TRAPPC12: variants seen among roughly 807,000 people sequenced by gnomAD.
The protein encoded by TRAPPC12 is TPR repeat protein 15.
In TRAPPC12, 61 loss-of-function variants were observed where a neutral mutation model predicts 69.2. The ratio of observed to expected loss-of-function variants is 0.88; its 90% CI spans 0.72 to 1.09. The LOEUF (loss-of-function observed/expected upper bound fraction) is 1.09. Among genes scored for constraint, TRAPPC12 ranks in the 50% least tolerant of loss-of-function variants. The pLI is 0.00. For missense variants in TRAPPC12, 1,101 were observed against 1,016.4 expected (o/e 1.08, Z -1.13); for synonymous variants, 469 against 438.9 (o/e 1.07, Z -0.86).
intron 3 of TRAPPC12, among the ~76,000 whole-genome samples, chr2:3,408,696 TC>T (rs1271138814): frequency 6.6e-6 from 1 of 152,092 alleles, no homozygotes; most frequent in East Asian, 1.9e-4. Flanking sequence ...GACTCAACAA[TC>T]CCACTTTCAA....
intron 6 of TRAPPC12, among the ~76,000 whole-genome samples, chr2:3,447,495 G>C (rs1664575483): frequency 6.6e-6 from 1 of 152,118 alleles, no homozygotes; most frequent in Admixed American, 6.5e-5. Context: ...GGAGGCACCA[G>C]ACTTTTTTTG....
chr2:3,433,036 TGTTTG>T (rs980150041), intron 5 of TRAPPC12, among the ~76,000 whole-genome samples: 1 of 151,496 alleles, frequency 6.6e-6, no homozygotes, highest in Admixed American at 6.5e-5. Flanking sequence ...ACTGTTTTTG[TGTTTG>T]GTTTGTTTTG....
At position 3,413,800 on chromosome 2, in the gene TRAPPC12, C is replaced by T. The variant is rs550905506; in HGVS notation, c.1165-8081C>T. Among the ~76,000 whole-genome samples the T allele has an allele frequency of 1.8e-4, 27 of 152,220 alleles. No homozygotes were observed. The South Asian group carries it at 5.2e-3, about 29-fold the overall frequency. On this transcript the variant is annotated intron_variant, in intron 3 of 11. Coordinates refer to ENST00000324266, the MANE Select transcript of TRAPPC12 (RefSeq NM_016030.6). ...AACTCTGTTGAAGCAGCTAACCTGC[C>T]TGACAGTACTGTAAGTGTTTAAAAG... is the stretch of plus-strand genomic sequence containing the variant.
At chr2:3,419,877 G>T (rs1332756032) in intron 3 of TRAPPC12, among the ~76,000 whole-genome samples, 1 of 152,184 alleles carries the variant, frequency 6.6e-6, no homozygotes, top group Non-Finnish European at 1.5e-5. Context: ...AAGTGCCACG[G>T]GACGTGCAGC....
rs749355926 is a variant in TRAPPC12 at position 3,399,746 on chromosome 2, CAA to C, written c.1048-2028_1048-2027del. On this transcript the variant is annotated intron_variant, in intron 2 of 11. Coordinates refer to ENST00000324266, the MANE Select transcript of TRAPPC12 (RefSeq NM_016030.6). The stretch of plus-strand genomic sequence containing the variant: ...TAAGTGTCACTATTTTGAAAGATAG[CAA>C]AAGATTGAAATAACCTTGCTTCTTA... Among the ~76,000 whole-genome samples, 182 of 152,170 alleles carry C rather than the reference CAA, an allele frequency of 1.2e-3. 1 individual carries two copies. The highest frequency in any genetic ancestry group is 3.5e-4 in the Non-Finnish European group (24 of 68,014).
chr2:3,384,338 C>G (rs1558335454), intron 1 of TRAPPC12, among the ~76,000 whole-genome samples: 2 of 152,126 alleles, frequency 1.3e-5, no homozygotes, highest in Non-Finnish European at 2.9e-5. Flanking sequence ...TGCCCGAGGA[C>G]TCCAGTATTA....
intron 1 of TRAPPC12, among the ~76,000 whole-genome samples, chr2:3,385,223 C>A (rs949751601): frequency 6.6e-6 from 1 of 152,140 alleles, no homozygotes; most frequent in Non-Finnish European, 1.5e-5. Context: ...TCCTTACTTA[C>A]AAGCATTTTC....
chr2:3,438,294 A>T (rs1301138199), intron 5 of TRAPPC12, among the ~76,000 whole-genome samples: 2 of 59,350 alleles, frequency 3.4e-5, no homozygotes, highest in African/African-American at 1.4e-4. Context: ...CCATCCCTGG[A>T]TTAACCCCCA....
intron 9 of TRAPPC12, chr2:3,466,114 T>C: frequency 2.5e-6 from 1 of 399,532 alleles, no homozygotes; most frequent in South Asian, 1.9e-5. Flanking sequence ...GTGGTCTCAG[T>C]AATGCACAAA....
chr2:3,429,571 C>T (rs1663311341), intron 5 of TRAPPC12, among the ~76,000 whole-genome samples: 1 of 152,200 alleles, frequency 6.6e-6, no homozygotes, highest in Admixed American at 6.5e-5. Context: ...AGGTAGAGTA[C>T]TCTTGCATTG....
chr2:3,476,120 GA>G (rs1399651497), intron 9 of TRAPPC12, among the ~76,000 whole-genome samples: 1 of 152,216 alleles, frequency 6.6e-6, no homozygotes, highest in East Asian at 1.9e-4. Flanking sequence ...GCGATGGACA[GA>G]TGCCATTCAG....
At chr2:3,395,081 T>G (rs992325196) in intron 2 of TRAPPC12, among the ~76,000 whole-genome samples, 4 of 152,234 alleles carry the variant, frequency 2.6e-5, no homozygotes, top group African/African-American at 9.6e-5. Flanking sequence ...AATGTGCATT[T>G]AGCTCTATAA....
At chr2:3,444,056 T>C (rs4482520) in intron 6 of TRAPPC12, among the ~76,000 whole-genome samples, 165 bp downstream of exon 6, 2 of 152,046 alleles carry the variant, frequency 1.3e-5, no homozygotes, top group African/African-American at 2.4e-5. Context: ...GGTAGTCGTG[T>C]CTCTTGCTGA....
chr2:3,449,767 G>A (rs1246729171), intron 6 of TRAPPC12, among the ~76,000 whole-genome samples: 1 of 152,158 alleles, frequency 6.6e-6, no homozygotes, highest in Admixed American at 6.5e-5. Context: ...GCCAGTTATT[G>A]CCATCACCGT....
At chr2:3,445,193 T>TGA (rs201578300) in intron 6 of TRAPPC12, among the ~76,000 whole-genome samples, 4 of 2,044 alleles carry the variant, frequency 2.0e-3, no homozygotes, top group African/African-American at 0.019. Context: ...TTCCTGGTCC[T>TGA]GTTATGTCCT....
intron 9 of TRAPPC12, among the ~76,000 whole-genome samples, chr2:3,469,846 A>G (rs1665984655): frequency 6.6e-6 from 1 of 152,246 alleles, no homozygotes; most frequent in African/African-American, 2.4e-5. Flanking sequence ...AGTCATGAGC[A>G]TCCCTTACAA....
intron 7 of TRAPPC12, among the ~76,000 whole-genome samples, chr2:3,458,829 G>A (rs905303498): frequency 6.6e-6 from 1 of 152,104 alleles, no homozygotes; most frequent in African/African-American, 2.4e-5. Flanking sequence ...AGGAGGGTAG[G>A]GGAGGATTTA....
chr2:3,387,527 T>C, intron 1 of TRAPPC12, 93 bp from the exon 2 acceptor site: 2 of 1,017,948 alleles, frequency 2.0e-6, no homozygotes, highest in South Asian at 1.8e-5. Context: ...GAAATGGAAG[T>C]CTGCGTCATT....
At chr2:3,398,963 C>T (rs915588751) in intron 2 of TRAPPC12, among the ~76,000 whole-genome samples, 1 of 152,182 alleles carries the variant, frequency 6.6e-6, no homozygotes, top group Non-Finnish European at 1.5e-5. Context: ...GGGAAGTTCC[C>T]TCCCCCTCCC....
Sources: allele counts gnomAD v4.1 joint callset (sites outside exome capture counted in the v4.1 genomes callset), GRCh38; gene constraint gnomAD v4.1.1; transcripts MANE v1.5; gene names NCBI Gene and HGNC (gene_info 2026-07-23, HGNC 2026-07-21).